FBXO21: variants seen among roughly 807,000 people sequenced by gnomAD.
FBXO21 encodes F-box only protein 21.
Under a neutral mutation model 76.6 loss-of-function variants are expected in FBXO21, and 32 were observed. That is an observed-to-expected ratio of 0.42 (90% CI 0.32 to 0.56). The LOEUF is 0.56. Among genes scored for constraint, FBXO21 ranks in the 20% least tolerant of loss-of-function variants. FBXO21 has a pLI of 0.16. For missense variants in FBXO21, 586 were observed against 797.3 expected (o/e 0.73, Z 3.19); for synonymous variants, 328 against 311.5 (o/e 1.05, Z -0.56).
chr12:117,159,824 G>C (rs2135857104), intron 9 of FBXO21, among the ~76,000 whole-genome samples: 1 of 152,310 alleles, frequency 6.6e-6, no homozygotes, highest in South Asian at 2.1e-4. Flanking sequence ...TCAGAACTTG[G>C]CATCGTCAGA....
At position 117,186,465 on chromosome 12, in the gene FBXO21, G is replaced by T. The variant is rs761466859; in HGVS notation, c.470+12C>A. The T allele has an allele frequency of 2.2e-5, 35 of 1,575,440 alleles. No homozygotes were observed. Among genetic ancestry groups the T allele is most frequent in the Admixed American group, 3.4e-5 (2 of 59,498 alleles). On this transcript the variant is annotated intron_variant, in intron 3 of 11. Transcript: ENST00000622495. Reference sequence around the variant, plus strand: ...TTAAAGCAAACAAATCCCTGCTAAAGCTATGGCTTACCTTCCTTCCATATT... The same window carrying T: ...TTAAAGCAAACAAATCCCTGCTAAATCTATGGCTTACCTTCCTTCCATATT...
chr12:117,168,656 G>A (rs1956086133), intron 7 of FBXO21, among the ~76,000 whole-genome samples: 2 of 152,114 alleles, frequency 1.3e-5, no homozygotes, highest in Non-Finnish European at 2.9e-5. Context: ...AAGGACAAAT[G>A]TACAAAAATT....
rs1404614481 is a variant in FBXO21 at position 117,143,432 on chromosome 12, T to C, written c.*2655A>G. 2 of 152,182 alleles carry C rather than the reference T, an allele frequency of 1.3e-5. No homozygotes were observed. The highest frequency in any genetic ancestry group is 4.8e-5 in the African/African-American group (2 of 41,444). 9.4% of individuals were successfully genotyped at this position (152,182 alleles called of 1,614,324 possible). On this transcript the variant is annotated 3_prime_UTR_variant, in exon 12 of 12. Transcript: ENST00000622495. ...GTGCTCTGAAGACATTCTGGACACATCGTATACAGCACAGCCATTCAAATC... is the reference window on the plus strand; with the variant it reads ...GTGCTCTGAAGACATTCTGGACACACCGTATACAGCACAGCCATTCAAATC...
rs753133199 is a variant in FBXO21 at position 117,186,502 on chromosome 12, C to A, written c.445G>T (p.Val149Leu). The change falls in exon 3 of 12, where the codon GTG becomes TTG. Residue 149 changes from valine to leucine, a missense_variant. Physicochemically the swap from Val to Leu is conservative, Grantham distance 32. Around this residue, in one of 6 missense-constraint regions of FBXO21, gnomAD observed 246 missense variants for 356.8 expected, o/e 0.69. Transcript: ENST00000622495. The stretch of plus-strand genomic sequence containing the variant: ...CTTCCTTCCATATTTAGGATACACA[C>A]CAGTTCATCCTCAAAAAAAATCTCT... Reference protein sequence around the residue: ...GPEIFFEDELVCILNMEGRKA... With the variant: ...GPEIFFEDELLCILNMEGRKA... The A allele has an allele frequency of 6.2e-7, 1 of 1,611,740 alleles. No homozygotes were observed. Among genetic ancestry groups the A allele is most frequent in the Admixed American group, 1.7e-5 (1 of 59,908 alleles).
intron 6 of FBXO21, 111 bp downstream of exon 6, chr12:117,174,094 G>A (rs962555793): frequency 1.6e-5 from 14 of 884,814 alleles, no homozygotes; most frequent in East Asian, 1.2e-4. Context: ...CTATGATCGC[G>A]CCACTGCATT....
At chr12:117,174,137 T>C (rs1956149470) in intron 6 of FBXO21, 68 bp downstream of exon 6, 2 of 1,353,922 alleles carry the variant, frequency 1.5e-6, no homozygotes, top group Admixed American at 1.8e-5. Context: ...ACCCTGTCTC[T>C]AAAAACAGAA....
chr12:117,164,735 C>G (rs1312393390), intron 9 of FBXO21, among the ~76,000 whole-genome samples: 3 of 152,224 alleles, frequency 2.0e-5, no homozygotes, highest in Admixed American at 6.5e-5. Context: ...TTTTACCCCT[C>G]TCTAATGACA....
intron 10 of FBXO21, among the ~76,000 whole-genome samples, chr12:117,157,228 A>G (rs1411630867): frequency 1.3e-5 from 2 of 152,142 alleles, no homozygotes; most frequent in African/African-American, 4.8e-5. Context: ...GAAATGTTTG[A>G]ATAGGCGCTT....
intron 7 of FBXO21, among the ~76,000 whole-genome samples, chr12:117,168,546 T>A (rs1232793800): frequency 1.3e-5 from 2 of 151,070 alleles, no homozygotes; most frequent in Non-Finnish European, 3.0e-5. Flanking sequence ...AAAAATAAAA[T>A]AAATAAACCT....
At chr12:117,180,894 A>C (rs935251812) in intron 3 of FBXO21, among the ~76,000 whole-genome samples, 3 of 152,030 alleles carry the variant, frequency 2.0e-5, no homozygotes, top group Non-Finnish European at 4.4e-5. Flanking sequence ...CAGCCTCCCA[A>C]AGTGCTGGGA....
At position 117,177,506 on chromosome 12, in the gene FBXO21, G is replaced by A. The variant is rs1318349299; in HGVS notation, c.592+14C>T. The A allele has an allele frequency of 6.2e-7, 1 of 1,609,304 alleles. No individual in the cohort carries two copies. Among genetic ancestry groups the A allele is most frequent in the African/African-American group, 1.3e-5 (1 of 74,698 alleles). On this transcript the variant is annotated intron_variant, in intron 4 of 11. Coordinates refer to ENST00000622495, the MANE Select transcript of FBXO21 (RefSeq NM_015002.3). ...CAGAAATACTACTGTCCACATATAT[G>A]GGAAAAGACCCACCTTCAAGATACG...
chr12:117,188,881 T>C (rs1173068500), intron 2 of FBXO21: 1 of 239,816 alleles, frequency 4.2e-6, no homozygotes. Flanking sequence ...CAATCATTGA[T>C]GATTCCCCAA....
At chr12:117,165,911 C>T (rs543041624) in intron 8 of FBXO21, among the ~76,000 whole-genome samples, 4 of 152,282 alleles carry the variant, frequency 2.6e-5, no homozygotes, top group Non-Finnish European at 4.4e-5. Flanking sequence ...TTCTGAAGGC[C>T]GGGCGCAGTG....
intron 11 of FBXO21, among the ~76,000 whole-genome samples, chr12:117,153,955 C>T (rs1955879936): frequency 6.6e-6 from 1 of 152,228 alleles, no homozygotes; most frequent in Non-Finnish European, 1.5e-5. Context: ...GAACATATCA[C>T]AACCCCTAAA....
chr12:117,179,673 A>G (rs1235301746), intron 3 of FBXO21, among the ~76,000 whole-genome samples: 1 of 152,208 alleles, frequency 6.6e-6, no homozygotes, highest in Non-Finnish European at 1.5e-5. Flanking sequence ...TCCCATCAGG[A>G]GGCAATAATG....
intron 3 of FBXO21, among the ~76,000 whole-genome samples, chr12:117,182,814 C>T (rs1023753047): frequency 3.9e-5 from 6 of 152,098 alleles, no homozygotes; most frequent in East Asian, 1.9e-4. Flanking sequence ...CAACCCGCCT[C>T]GGCCTCTCAA....
chr12:117,175,884 T>C (rs183012382), intron 4 of FBXO21, among the ~76,000 whole-genome samples: 62 of 152,346 alleles, frequency 4.1e-4, no homozygotes, highest in African/African-American at 1.5e-3. Context: ...TATAACTTTG[T>C]ATTTAGAAAA....
In FBXO21 at chr12:117,152,687, T is replaced by C. The variant is rs532096938; in HGVS notation, c.1675+3104A>G. Among the ~76,000 whole-genome samples the C allele has an allele frequency of 4.2e-4, 64 of 152,268 alleles. 1 individual carries two copies. Among genetic ancestry groups the C allele is most frequent in the Non-Finnish European group, 4.3e-4 (29 of 68,022 alleles). On this transcript the variant is annotated intron_variant, in intron 11 of 11. Transcript: ENST00000622495. The stretch of plus-strand genomic sequence containing the variant: ...GTTATTTTGTGACAATTGAGAAATT[T>C]GAAAACTATTAGATATTATAAAATA...
At chr12:117,153,568 G>A (rs1323889107) in intron 11 of FBXO21, among the ~76,000 whole-genome samples, 1 of 152,208 alleles carries the variant, frequency 6.6e-6, no homozygotes, top group Non-Finnish European at 1.5e-5. Context: ...GACACCCCAA[G>A]GGGGAAGGAG....
Sources: gnomAD v4.1 joint callset for allele counts (sites outside exome capture counted in the v4.1 genomes callset) on GRCh38, gnomAD v4.1.1 for gene constraint, gnomAD v4.1.1 regional missense constraint, MANE v1.5 for transcripts, NCBI Gene and HGNC (gene_info 2026-07-23, HGNC 2026-07-21) for gene names.